Variants in BANK1 observed in about 807,000 individuals in gnomAD.
The protein encoded by BANK1 is B cell scaffold protein with ankyrin repeats 1.
A neutral mutation model predicts 94.5 loss-of-function variants in BANK1; 95 were observed. The ratio of observed to expected loss-of-function variants is 1.00; its 90% CI spans 0.85 to 1.19. The LOEUF (loss-of-function observed/expected upper bound fraction) is 1.19. Among genes scored for constraint, BANK1 ranks in the 50% most tolerant of loss-of-function variants. BANK1 has a pLI of 0.00. For missense variants in BANK1, 987 were observed against 932.2 expected (o/e 1.06, Z -0.77); for synonymous variants, 334 against 308.4 (o/e 1.08, Z -0.87).
chr4:101,801,589 C>T (rs1470109600), intron 1 of BANK1, among the ~76,000 whole-genome samples: 1 of 152,182 alleles, frequency 6.6e-6, no homozygotes, highest in African/African-American at 2.4e-5. Flanking sequence ...TTCATGCTCA[C>T]CACACAAGGC....
intron 2 of BANK1, among the ~76,000 whole-genome samples, chr4:101,835,478 G>C (rs1726788830): frequency 6.6e-6 from 1 of 152,148 alleles, no homozygotes; most frequent in Admixed American, 6.5e-5. Context: ...CTTTCTTGAA[G>C]AACCTTAACA....
At chr4:101,913,393 C>T (rs963999523) in intron 6 of BANK1, among the ~76,000 whole-genome samples, 13 of 152,190 alleles carry the variant, frequency 8.5e-5, no homozygotes, top group African/African-American at 3.1e-4. Context: ...GGAAAATAAA[C>T]GTATTTAAAT....
chr4:101,969,926 A>G (rs1240650468), intron 7 of BANK1, among the ~76,000 whole-genome samples: 1 of 152,138 alleles, frequency 6.6e-6, no homozygotes, highest in Admixed American at 6.6e-5. Flanking sequence ...AAGGCTTCCT[A>G]TAGGGAGTGT....
At chr4:101,937,769 A>T (rs568695611) in intron 7 of BANK1, among the ~76,000 whole-genome samples, 1 of 151,920 alleles carries the variant, frequency 6.6e-6, no homozygotes, top group Non-Finnish European at 1.5e-5. Flanking sequence ...AAATCATTCT[A>T]CTATGAAGAC....
At chr4:101,823,142 CAATACCTTTCCCA>C (rs754207476) in intron 1 of BANK1, among the ~76,000 whole-genome samples, 29 of 152,148 alleles carry the variant, frequency 1.9e-4, no homozygotes, top group Non-Finnish European at 3.4e-4. Flanking sequence ...ATTTCTAACA[CAATACCTTTCCCA>C]AATCATCATT....
At chr4:101,795,111 G>T (rs1197834678) in intron 1 of BANK1, among the ~76,000 whole-genome samples, 1 of 151,846 alleles carries the variant, frequency 6.6e-6, no homozygotes, top group Non-Finnish European at 1.5e-5. Context: ...CTTTGGTCGG[G>T]AACAATATTC....
At chr4:101,992,563 A>C (rs1390726983) in intron 7 of BANK1, among the ~76,000 whole-genome samples, 1 of 152,200 alleles carries the variant, frequency 6.6e-6, no homozygotes, top group Admixed American at 6.6e-5. Flanking sequence ...AAAAGTTCAT[A>C]GAAACCATGT....
chr4:102,028,284 G>T (rs1727170220), intron 9 of BANK1, among the ~76,000 whole-genome samples: 1 of 152,194 alleles, frequency 6.6e-6, no homozygotes, highest in Non-Finnish European at 1.5e-5. Context: ...TGCTGTCAGT[G>T]AACCAGAAGT....
At chr4:102,054,410 A>G (rs1283960526) in intron 11 of BANK1, among the ~76,000 whole-genome samples, 1 of 152,082 alleles carries the variant, frequency 6.6e-6, no homozygotes, top group Admixed American at 6.5e-5. Context: ...GAAGGGGATT[A>G]TTTACCTTCA....
intron 11 of BANK1, among the ~76,000 whole-genome samples, chr4:102,052,120 T>C (rs756455215): frequency 9.1e-4 from 77 of 84,944 alleles, no homozygotes; most frequent in African/African-American, 2.4e-3. Flanking sequence ...TTTCTTTTTT[T>C]TTTTTTTTTT....
intron 1 of BANK1, among the ~76,000 whole-genome samples, chr4:101,804,660 GATAA>G (rs1488552751): frequency 6.6e-6 from 1 of 152,114 alleles, no homozygotes; most frequent in Non-Finnish European, 1.5e-5. Context: ...TTACAGTATT[GATAA>G]ATACAGTACA....
intron 1 of BANK1, among the ~76,000 whole-genome samples, chr4:101,811,829 G>A (rs1239305784): frequency 6.6e-6 from 1 of 151,926 alleles, no homozygotes; most frequent in Non-Finnish European, 1.5e-5. Flanking sequence ...CTTCACCACA[G>A]GTCTTAATGA....
At chr4:101,918,853 C>A (rs1231361613) in intron 7 of BANK1, among the ~76,000 whole-genome samples, 5 of 151,868 alleles carry the variant, frequency 3.3e-5, no homozygotes, top group Non-Finnish European at 1.5e-5. Flanking sequence ...TTAAGCCAAT[C>A]TAATTAATAT....
intron 5 of BANK1, among the ~76,000 whole-genome samples, chr4:101,879,100 T>C (rs771811160): frequency 4.0e-5 from 6 of 151,026 alleles, no homozygotes; most frequent in Non-Finnish European, 8.9e-5. Flanking sequence ...AAAGAAGTAA[T>C]AAAGATCAGA....
chr4:102,072,759 T>C lies in BANK1; in HGVS notation c.2298+359T>C, dbSNP rs114852012. Among the ~76,000 whole-genome samples the C allele has an allele frequency of 7.2e-3, 1,091 of 152,294 alleles. 6 individuals are homozygous for C. Among genetic ancestry groups the C allele is most frequent in the Non-Finnish European group, 0.011 (776 of 68,000 alleles). ...ATACAGTCCTTAAACTCTAGGACATTAGTAGGGAAAGTATAGCCCCAAAAT... is the reference window on the plus strand; with the variant it reads ...ATACAGTCCTTAAACTCTAGGACATCAGTAGGGAAAGTATAGCCCCAAAAT... On this transcript the variant is annotated intron_variant, in intron 15 of 16. Transcript: ENST00000322953.
chr4:101,976,150 G>C (rs1725118836), intron 7 of BANK1, among the ~76,000 whole-genome samples: 1 of 152,062 alleles, frequency 6.6e-6, no homozygotes, highest in Non-Finnish European at 1.5e-5. Flanking sequence ...AGTTCCTGTG[G>C]TCATAAGCAG....
intron 7 of BANK1, among the ~76,000 whole-genome samples, chr4:102,015,771 C>T (rs1323513141): frequency 6.6e-6 from 1 of 152,158 alleles, no homozygotes; most frequent in Non-Finnish European, 1.5e-5. Context: ...TATTTGCATT[C>T]TCCAGTAAAT....
chr4:101,805,066 G>C (rs1725507229), intron 1 of BANK1, among the ~76,000 whole-genome samples: 1 of 152,112 alleles, frequency 6.6e-6, no homozygotes, highest in South Asian at 2.1e-4. Context: ...CTATGTAAGT[G>C]ACATCTCATT....
chr4:101,821,661 T>G (rs1168032500), intron 1 of BANK1, among the ~76,000 whole-genome samples: 1 of 152,190 alleles, frequency 6.6e-6, no homozygotes, highest in African/African-American at 2.4e-5. Flanking sequence ...TTTTTGTTTG[T>G]TTGTTTGTTT....
Sources: gnomAD v4.1 joint callset for allele counts (sites outside exome capture counted in the v4.1 genomes callset) on GRCh38, gnomAD v4.1.1 for gene constraint, MANE v1.5 for transcripts, NCBI Gene and HGNC (gene_info 2026-07-23, HGNC 2026-07-21) for gene names.